The following GRM4 variants were observed in gnomAD, a reference collection of about 807,000 sequenced individuals.
The protein encoded by GRM4 is glutamate metabotropic receptor 4, also known as metabotropic glutamate receptor 4.
In GRM4, 28 loss-of-function variants were observed where a neutral mutation model predicts 81.7. The observed-to-expected ratio is 0.34, with a 90% confidence interval of 0.25 to 0.47. The LOEUF (loss-of-function observed/expected upper bound fraction) is 0.47, where lower values mean the gene tolerates loss of function less well. Among genes scored for constraint, GRM4 ranks in the 20% least tolerant of loss-of-function variants. The pLI, the probability that GRM4 is intolerant of heterozygous loss-of-function variation, is 1.00. For missense variants in GRM4, 948 were observed against 1,290.0 expected, an observed-to-expected ratio of 0.73 and a Z score of 4.06; for synonymous variants, 488 against 528.8, an observed-to-expected ratio of 0.92 and a Z score of 1.06.
chr6:34,084,395 T>C (rs1385341367), intron 3 of GRM4, among the ~76,000 whole-genome samples: 1 of 152,096 alleles, frequency 6.6e-6, no homozygotes, highest in East Asian at 1.9e-4. Context: ...CAGCAGGCGC[T>C]GTAGCCCACC....
chr6:34,095,094 C>T (rs1768447883), intron 2 of GRM4, among the ~76,000 whole-genome samples: 1 of 152,210 alleles, frequency 6.6e-6, no homozygotes, highest in Non-Finnish European at 1.5e-5. Context: ...GGGGGCCAAG[C>T]ATGTGCTCCT....
intron 3 of GRM4, among the ~76,000 whole-genome samples, chr6:34,067,190 C>T (rs943579716): frequency 3.3e-5 from 5 of 152,164 alleles, no homozygotes; most frequent in Non-Finnish European, 7.4e-5. Flanking sequence ...GTATCAGTTT[C>T]CTGTCGTATT....
At chr6:34,145,793 C>T (rs897638082) in intron 1 of GRM4, among the ~76,000 whole-genome samples, 1 of 152,172 alleles carries the variant, frequency 6.6e-6, no homozygotes, top group East Asian at 1.9e-4. Context: ...AAGCTCACGG[C>T]GCTTCTGCCG....
Position 34,062,005 on chromosome 6 carries a change from C to G in GRM4, c.760G>C (p.Val254Leu). The change falls in exon 4 of 11, where the codon GTG becomes CTG. Residue 254 changes from valine to leucine, a missense_variant. By Grantham distance (32) the Val-to-Leu change is conservative. Coordinates refer to ENST00000538487, the MANE Select transcript of GRM4 (RefSeq NM_000841.4). ...EDGGVCIAQSVKIPREPKAGE... is the reference protein window; with the variant it reads ...EDGGVCIAQSLKIPREPKAGE... ...GCCTTGGGCTCCCGTGGTATCTTCA[C>G]CGACTGGGCGATGCACACGCCCCCT... 6.2e-7 allele frequency: 1 copy of G among 1,613,472 alleles called. No individual in the cohort carries two copies. Among genetic ancestry groups the G allele is most frequent in the East Asian group, 2.2e-5 (1 of 44,866 alleles).
intron 2 of GRM4, among the ~76,000 whole-genome samples, chr6:34,101,723 T>C (rs1768850166): frequency 6.6e-6 from 1 of 152,260 alleles, no homozygotes; most frequent in Non-Finnish European, 1.5e-5. Flanking sequence ...GAAGGTTGTG[T>C]AAAACGGCTC....
chr6:34,103,546 C>A, intron 2 of GRM4: 1 of 1,487,450 alleles, frequency 6.7e-7, no homozygotes, highest in South Asian at 1.2e-5. Context: ...TGTCCTATTT[C>A]ATAGGCGAAA....
chr6:34,153,763 C>G (rs1771093120), intron 1 of GRM4, among the ~76,000 whole-genome samples: 1 of 152,096 alleles, frequency 6.6e-6, no homozygotes. Context: ...CCCGTTTCTA[C>G]TAAAAATACA....
In GRM4 at chr6:34,078,443, C is replaced by A. The variant is rs1263234564; in HGVS notation, c.736+13440G>T. Among the ~76,000 whole-genome samples, 1 of 152,174 alleles carries A rather than the reference C, an allele frequency of 6.6e-6. No individual in the cohort carries two copies. The highest frequency in any genetic ancestry group is 2.4e-5 in the African/African-American group (1 of 41,432). On this transcript the variant is annotated intron_variant, in intron 3 of 10. Transcript: ENST00000538487. This position sits in a 1 kb window ranked among gnomAD's most constrained non-coding sequence, Gnocchi z 4.8. ...TTACAGATAAGGAAACCAAGCCCCA[C>A]CAGCCAGAGCCCAGTGCTGCGGTCC...
At chr6:34,123,844 C>T (rs1769912542) in intron 2 of GRM4, among the ~76,000 whole-genome samples, 1 of 152,218 alleles carries the variant, frequency 6.6e-6, no homozygotes, top group Non-Finnish European at 1.5e-5. Context: ...CCTCGGGGAT[C>T]CCCATCTGGC....
At chr6:34,145,391 A>G (rs1485985569) in intron 1 of GRM4, among the ~76,000 whole-genome samples, 1 of 152,136 alleles carries the variant, frequency 6.6e-6, no homozygotes, top group Non-Finnish European at 1.5e-5. Flanking sequence ...GCTGCGGCGG[A>G]GCCCGGCGTC....
At chr6:34,087,708 C>CACA (rs1371268157) in intron 3 of GRM4, among the ~76,000 whole-genome samples, 38 of 137,944 alleles carry the variant, frequency 2.8e-4, no homozygotes, top group African/African-American at 9.0e-4. Context: ...AACCCCCCCC[C>CACA]CACACACACA....
rs2127441185 is a variant in GRM4 at position 34,034,018 on chromosome 6, C to T, written c.2442+1650G>A. On this transcript the variant is annotated intron_variant, in intron 9 of 10. Coordinates refer to ENST00000538487, the MANE Select transcript of GRM4 (RefSeq NM_000841.4). The surrounding 1 kb of genome is among the most constrained non-coding windows in gnomAD (Gnocchi z 4.0). ...CCTCCCAAAGTGCTGGGATTATAGG[C>T]ATGAGCCACCACACCCAGCCTTGGG... Among the ~76,000 whole-genome samples the T allele has an allele frequency of 6.6e-6, 1 of 152,290 alleles. No individual in the cohort carries two copies. The highest frequency in any genetic ancestry group is 2.1e-4 in the South Asian group (1 of 4,818).
At chr6:34,103,566 AT>A (rs1768956015) in intron 2 of GRM4, 1 of 1,522,828 alleles carries the variant, frequency 6.6e-7, no homozygotes, top group South Asian at 1.2e-5. Context: ...ATGTAGATCA[AT>A]AAATTATACT....
chr6:34,140,132 A>G (rs1207029822), intron 1 of GRM4, among the ~76,000 whole-genome samples: 1 of 152,226 alleles, frequency 6.6e-6, no homozygotes, highest in Non-Finnish European at 1.5e-5. Flanking sequence ...TAATCAGGGA[A>G]GGCTTCTCTG....
At chr6:34,058,682 G>A (rs1265623397) in intron 5 of GRM4, among the ~76,000 whole-genome samples, 1 of 152,150 alleles carries the variant, frequency 6.6e-6, no homozygotes, top group Non-Finnish European at 1.5e-5. Context: ...TGTAGCCCCG[G>A]CAGGGCGGCT....
intron 3 of GRM4, among the ~76,000 whole-genome samples, chr6:34,088,131 CTTTTT>C (rs1187745957): frequency 6.6e-6 from 1 of 151,196 alleles, no homozygotes; most frequent in Non-Finnish European, 1.5e-5. Flanking sequence ...CGTTTCACTC[CTTTTT>C]TTTTAAGACA....
At chr6:34,037,106 G>A (rs1345688231) in intron 8 of GRM4, among the ~76,000 whole-genome samples, 1 of 152,240 alleles carries the variant, frequency 6.6e-6, no homozygotes, top group East Asian at 1.9e-4. Flanking sequence ...ACACTGGAGT[G>A]GAAGATGTGC....
chr6:34,126,404 G>A (rs139272937), intron 2 of GRM4, among the ~76,000 whole-genome samples: 96 of 152,220 alleles, frequency 6.3e-4, no homozygotes, highest in African/African-American at 2.2e-3. Context: ...AGGGTCCCTC[G>A]TTCAGCCCCC....
At chr6:34,141,040 T>C (rs1367776442) in intron 1 of GRM4, among the ~76,000 whole-genome samples, 1 of 152,246 alleles carries the variant, frequency 6.6e-6, no homozygotes, top group Non-Finnish European at 1.5e-5. Flanking sequence ...TCTCCAATCT[T>C]TATTTCTATA....
Sources: allele counts gnomAD v4.1 joint callset (sites outside exome capture counted in the v4.1 genomes callset), GRCh38; gene constraint gnomAD v4.1.1; non-coding constraint Gnocchi (gnomAD v3.1); transcripts MANE v1.5; gene names NCBI Gene and HGNC (gene_info 2026-07-23, HGNC 2026-07-21).